SLC15A5: variants seen among roughly 807,000 people sequenced by gnomAD.
The protein encoded by SLC15A5 is Peptide/histidine transporter ENSP00000340402.
A neutral mutation model predicts 56.1 loss-of-function variants in SLC15A5; 58 were observed. That is an observed-to-expected ratio of 1.03 (90% confidence interval 0.84 to 1.29). The LOEUF (loss-of-function observed/expected upper bound fraction) is 1.29, where lower values mean the gene tolerates loss of function less well. Ranked by LOEUF, SLC15A5 falls within the 50% of genes most tolerant of loss-of-function variation. The pLI is 0.00. For missense variants in SLC15A5, 681 were observed against 672.1 expected (o/e 1.01, Z -0.15); for synonymous variants, 264 against 250.5 (o/e 1.05, Z -0.51).
At chr12:16,217,909 T>A (rs564340937) in intron 6 of SLC15A5, among the ~76,000 whole-genome samples, 9 of 152,132 alleles carry the variant, frequency 5.9e-5, no homozygotes, top group African/African-American at 2.2e-4. Context: ...ACGAAAAAAA[T>A]TTTTTTAAAT....
rs1362346947 is a variant in SLC15A5 at position 16,237,029 on chromosome 12, A to G, written c.1162+2652T>C. On this transcript the variant is annotated intron_variant, in intron 5 of 8. Transcript: ENST00000344941. The surrounding 1 kb of genome is among the most constrained non-coding windows in gnomAD (Gnocchi z 4.1). ...TCATGAGATTAAATGTAATATGTGTATGAAGGTTCCTAAATTCAAATTAGG... is the reference window on the plus strand; with the variant it reads ...TCATGAGATTAAATGTAATATGTGTGTGAAGGTTCCTAAATTCAAATTAGG... Among the ~76,000 whole-genome samples, 1 of 152,192 alleles carries G rather than the reference A, an allele frequency of 6.6e-6. No individual in the cohort carries two copies. The highest frequency in any genetic ancestry group is 1.5e-5 in the Non-Finnish European group (1 of 68,022).
chr12:16,211,918 A>G (rs1310286448), intron 7 of SLC15A5, among the ~76,000 whole-genome samples: 3 of 152,146 alleles, frequency 2.0e-5, no homozygotes, highest in Non-Finnish European at 4.4e-5. Flanking sequence ...ATTCTCCATT[A>G]TGGTGCTAAA....
rs767019850 is a variant in SLC15A5 at position 16,272,640 on chromosome 12, C to T, written c.505G>A (p.Val169Ile). 16 of 1,537,016 alleles carry T rather than the reference C, an allele frequency of 1.0e-5. No homozygotes were observed. Among genetic ancestry groups the T allele is most frequent in the Middle Eastern group, 1.7e-4 (1 of 5,986 alleles). Residue 169 changes from valine (V) to isoleucine (I), a missense_variant, in exon 2 of 9, where the codon GTA (valine) becomes ATA (isoleucine). Coordinates refer to ENST00000344941, the MANE Select transcript of SLC15A5 (RefSeq NM_001170798.1). ...CCCAGTGGACAGACGATGGCTCTTA[C>T]GCCTCCAATGCCAAGGCAAATGGTC... Reference protein sequence around the residue: ...LLTICLGIGGVRAIVCPLGAF... With the variant: ...LLTICLGIGGIRAIVCPLGAF...
intron 3 of SLC15A5, among the ~76,000 whole-genome samples, chr12:16,248,043 G>A (rs533490912): frequency 6.6e-6 from 1 of 152,170 alleles, no homozygotes; most frequent in Admixed American, 6.6e-5. Flanking sequence ...ATGTGGGAAA[G>A]GGGTGAAGAA....
intron 2 of SLC15A5, among the ~76,000 whole-genome samples, chr12:16,259,093 G>A (rs1864613408): frequency 7.7e-6 from 1 of 129,436 alleles, no homozygotes; most frequent in Non-Finnish European, 1.6e-5. Flanking sequence ...ATGCAGTGGT[G>A]CAATCATGGC....
At chr12:16,229,680 AC>A (rs1864276538) in intron 5 of SLC15A5, among the ~76,000 whole-genome samples, 4 of 150,390 alleles carry the variant, frequency 2.7e-5, no homozygotes, top group Non-Finnish European at 3.0e-5. Flanking sequence ...ACACACACAC[AC>A]ACAATCTTAA....
At position 16,194,364 on chromosome 12, in the gene SLC15A5, A is replaced by G. The variant is rs992041009; in HGVS notation, c.1573T>C (p.Phe525Leu). 2.4e-5 allele frequency: 37 copies of G among 1,533,788 alleles called. No individual in the cohort carries two copies. The highest frequency in any genetic ancestry group is 3.0e-5 in the Non-Finnish European group (34 of 1,144,238). The change falls in exon 8 of 9, where the codon TTC (phenylalanine) becomes CTC (leucine). Residue 525 changes from phenylalanine to leucine, a missense_variant. Physicochemically the swap from Phe to Leu is conservative, Grantham distance 22. Transcript: ENST00000344941. ...ASLTLLNVLG[F>L]CSVSQRYCNL... ...ACTTACCTTTGTGAAACACTGCAGA[A>G]TCCCAGGACGTTCAACAATGTTAAT...
chr12:16,193,367 CT>C lies in SLC15A5; in HGVS notation c.1592+977del, dbSNP rs1863857105. Among the ~76,000 whole-genome samples the C allele has an allele frequency of 2.0e-5, 3 of 151,956 alleles. No individual in the cohort carries two copies. In the South Asian group the frequency reaches 6.2e-4, roughly 31 times the overall value. ...ATTCTGCCTTGCATGAGGTTTGATT[CT>C]TTCTTATGCTGGACCATAAGCCCAA... On this transcript the variant is annotated intron_variant, in intron 8 of 8. Transcript: ENST00000344941.
chr12:16,220,806 C>T (rs1864179376), intron 6 of SLC15A5, among the ~76,000 whole-genome samples: 1 of 152,088 alleles, frequency 6.6e-6, no homozygotes, highest in Non-Finnish European at 1.5e-5. Flanking sequence ...GCTATAATGG[C>T]AGAAATTTTT....
chr12:16,220,468 C>T (rs761820415), intron 6 of SLC15A5, among the ~76,000 whole-genome samples: 2 of 152,208 alleles, frequency 1.3e-5, no homozygotes, highest in African/African-American at 2.4e-5. Flanking sequence ...CCTCAGCTTC[C>T]ACTCCACTCA....
chr12:16,200,293 T>C (rs898551386), intron 7 of SLC15A5, among the ~76,000 whole-genome samples: 1 of 151,634 alleles, frequency 6.6e-6, no homozygotes, highest in African/African-American at 2.4e-5. Context: ...AAGGAAAAAC[T>C]ATTTTAAAGG....
chr12:16,200,393 A>C (rs958873459), intron 7 of SLC15A5, among the ~76,000 whole-genome samples: 1 of 151,970 alleles, frequency 6.6e-6, no homozygotes, highest in Middle Eastern at 3.2e-3. Context: ...AATCATAAAA[A>C]AATCTGTTGT....
At chr12:16,215,545 T>G (rs1469064724) in intron 7 of SLC15A5, among the ~76,000 whole-genome samples, 1 of 152,194 alleles carries the variant, frequency 6.6e-6, no homozygotes, top group African/African-American at 2.4e-5. Context: ...CAGTGCTTTG[T>G]CTCTAGCTTA....
chr12:16,188,871 C>CT lies in SLC15A5; in HGVS notation c.*796dup, dbSNP rs1863812924. ...ATTTTTGCTTATGAAAGAAGAAACT[C>CT]TTAGAAGATAATTTTCTGAATGCAT... On this transcript the variant is annotated 3_prime_UTR_variant, in exon 9 of 9. Coordinates refer to ENST00000344941, the MANE Select transcript of SLC15A5 (RefSeq NM_001170798.1). 1 of 152,126 alleles carries CT rather than the reference C, an allele frequency of 6.6e-6. No homozygotes were observed. The highest frequency in any genetic ancestry group is 2.1e-4 in the South Asian group (1 of 4,820). The allele number at this position is 152,126 out of a possible 1,614,324, so 9.4% of individuals were successfully genotyped here. A position where few individuals can be genotyped will look rare whatever the true frequency, so the allele number is the denominator to read the frequency against.
At chr12:16,245,983 C>T (rs1053570515) in intron 3 of SLC15A5, among the ~76,000 whole-genome samples, 2 of 152,108 alleles carry the variant, frequency 1.3e-5, no homozygotes, top group African/African-American at 4.8e-5. Flanking sequence ...CCCATTATGT[C>T]AGCCTTTGAT....
chr12:16,257,013 A>G (rs1220216897), intron 3 of SLC15A5, among the ~76,000 whole-genome samples: 1 of 152,080 alleles, frequency 6.6e-6, no homozygotes, highest in South Asian at 2.1e-4. Context: ...ATTTGAACAA[A>G]CTATAAAACA....
chr12:16,245,028 G>A (rs1397042295), intron 3 of SLC15A5, among the ~76,000 whole-genome samples: 2 of 152,116 alleles, frequency 1.3e-5, no homozygotes, highest in African/African-American at 4.8e-5. Context: ...TAAAAGGTAA[G>A]ATCAATGAAA....
intron 7 of SLC15A5, among the ~76,000 whole-genome samples, chr12:16,199,905 C>T (rs1227600251): frequency 1.3e-5 from 2 of 152,000 alleles, no homozygotes; most frequent in African/African-American, 4.8e-5. Context: ...GGTCTATAAT[C>T]ACTCTATCTA....
At chr12:16,236,890 T>G (rs1047916711) in intron 5 of SLC15A5, among the ~76,000 whole-genome samples, 2 of 152,204 alleles carry the variant, frequency 1.3e-5, no homozygotes, top group African/African-American at 4.8e-5. Flanking sequence ...ACAGCTACGT[T>G]TAGCCGCTAA....
Sources: allele counts gnomAD v4.1 joint callset (sites outside exome capture counted in the v4.1 genomes callset), GRCh38; gene constraint gnomAD v4.1.1; non-coding constraint Gnocchi (gnomAD v3.1); transcripts MANE v1.5; gene names NCBI Gene and HGNC (gene_info 2026-07-23, HGNC 2026-07-21).